Variants in SVIL observed in about 807,000 individuals in gnomAD.
The protein encoded by SVIL is archvillin.
A neutral mutation model predicts 240.4 loss-of-function variants in SVIL; 101 were observed. The observed-to-expected ratio is 0.42, with a 90% CI of 0.36 to 0.50. The LOEUF (loss-of-function observed/expected upper bound fraction) is 0.50. Ranked by LOEUF, SVIL falls within the 20% of genes least tolerant of loss-of-function variation. The pLI is 0.01. For missense variants in SVIL, 2,512 were observed against 2,818.7 expected (o/e 0.89, Z 2.46); for synonymous variants, 999 against 1,100.0 (o/e 0.91, Z 1.82).
In SVIL at chr10:29,701,949, G is replaced by A. The variant is rs184138399; in HGVS notation, c.-399-15298C>T. Among the ~76,000 whole-genome samples, 16 of 152,242 alleles carry A rather than the reference G, an allele frequency of 1.1e-4. No homozygotes were observed. The East Asian group carries it at 3.1e-3, about 29-fold the overall frequency. Reference sequence around the variant, plus strand: ...AGCACTTTGGGAGGCCGAGGCAGATGGATCACCTGAGGTCAGGAGTTCGAG... The same window carrying A: ...AGCACTTTGGGAGGCCGAGGCAGATAGATCACCTGAGGTCAGGAGTTCGAG... On this transcript the variant is annotated intron_variant, in intron 1 of 35. Coordinates refer to the SVIL transcript ENST00000375400.
At chr10:29,470,552 A>G (rs1945451699) in intron 31 of SVIL, 69 bp from the exon 32 acceptor site, 1 of 1,574,162 alleles carries the variant, frequency 6.4e-7, no homozygotes, top group Non-Finnish European at 8.6e-7. Flanking sequence ...GGCCCTTCCT[A>G]GTGTCCGCTG....
At position 29,699,501 on chromosome 10, in the gene SVIL, G is replaced by A. The variant is rs867173569; in HGVS notation, c.-399-12850C>T. 2.6e-5 allele frequency among the ~76,000 whole-genome samples: 4 copies of A among 152,042 alleles called. No individual in the cohort carries two copies. The South Asian group carries it at 6.2e-4, about 24-fold the overall frequency. The stretch of plus-strand genomic sequence containing the variant: ...TATTTTTTAGTAGAGATGGGGTTTC[G>A]CCATGTTGGCCAGGCTGGTCTTCAA... On this transcript the variant is annotated intron_variant, in intron 1 of 35. Coordinates refer to the SVIL transcript ENST00000375400.
At chr10:29,591,519 GA>G (rs1346585677) in intron 1 of SVIL, among the ~76,000 whole-genome samples, 4 of 152,216 alleles carry the variant, frequency 2.6e-5, no homozygotes, top group Non-Finnish European at 5.9e-5. Context: ...TATAAAACCT[GA>G]TGCAATCCTG....
chr10:29,598,300 A>G (rs1956674833), intron 1 of SVIL, among the ~76,000 whole-genome samples: 1 of 152,216 alleles, frequency 6.6e-6, no homozygotes, highest in African/African-American at 2.4e-5. Context: ...GGATGGTTGC[A>G]CGACAATGTG....
intron 1 of SVIL, among the ~76,000 whole-genome samples, chr10:29,689,456 T>C (rs892286699): frequency 6.6e-6 from 1 of 152,218 alleles, no homozygotes; most frequent in Non-Finnish European, 1.5e-5. Flanking sequence ...GGCTAACTTT[T>C]TGTATTTTTA....
intron 20 of SVIL, among the ~76,000 whole-genome samples, chr10:29,494,474 C>T (rs922933013): frequency 5.9e-5 from 9 of 152,120 alleles, no homozygotes; most frequent in Non-Finnish European, 1.2e-4. Flanking sequence ...GCATATTGCT[C>T]TTTTATTTGG....
intron 12 of SVIL, 38 bp downstream of exon 12, chr10:29,529,667 C>G: frequency 6.5e-7 from 1 of 1,545,924 alleles, no homozygotes; most frequent in Admixed American, 2.2e-5. Flanking sequence ...TAAAAAAAGA[C>G]ACTATAGACA....
chr10:29,677,314 G>T (rs1218345124), intron 2 of SVIL, among the ~76,000 whole-genome samples: 1 of 152,088 alleles, frequency 6.6e-6, no homozygotes, highest in Non-Finnish European at 1.5e-5. Flanking sequence ...CTGCCCCTTT[G>T]TCTTGTCATG....
rs916512338 is a variant in SVIL at position 29,554,828 on chromosome 10, T to C, written c.115A>G (p.Thr39Ala). Residue 39 changes from threonine to alanine, a missense_variant, in exon 5 of 38, where the codon ACC becomes GCC. Around this residue, in one of 3 missense-constraint regions of SVIL, gnomAD observed 1,443 missense variants for 1,486.6 expected, o/e 0.97. Coordinates refer to ENST00000355867, the MANE Select transcript of SVIL (RefSeq NM_021738.3). ...TCGCTGGCTCTCATGTATCGAGGGG[T>C]GTCTTCCTCCAGCAGGCGGTGAGTC... ...LVTHRLLEED[T>A]PRYMRASDPA... is the part of the protein sequence containing the mutation. 1 of 1,612,752 alleles carries C rather than the reference T, an allele frequency of 6.2e-7. No homozygotes were observed. The highest frequency in any genetic ancestry group is 1.7e-5 in the Admixed American group (1 of 59,840).
intron 2 of SVIL, among the ~76,000 whole-genome samples, chr10:29,665,750 C>T (rs1036073638): frequency 3.3e-5 from 5 of 152,052 alleles, no homozygotes; most frequent in South Asian, 2.1e-4. Flanking sequence ...GCCAAGATTG[C>T]GCCACTGCAC....
chr10:29,503,350 G>A (rs1249696306), intron 17 of SVIL, among the ~76,000 whole-genome samples: 1 of 152,218 alleles, frequency 6.6e-6, no homozygotes, highest in South Asian at 2.1e-4. Flanking sequence ...TAAGATGAAA[G>A]GAAGGGAATA....
At chr10:29,473,766 G>A (rs907472707) in intron 30 of SVIL, 72 bp downstream of exon 30, 7 of 1,597,280 alleles carry the variant, frequency 4.4e-6, no homozygotes, top group Middle Eastern at 1.9e-4. Context: ...GAGGGACCAG[G>A]CCGAGTGCCA....
chr10:29,496,605 C>T, intron 18 of SVIL: 1 of 282,024 alleles, frequency 3.5e-6, no homozygotes, highest in Middle Eastern at 1.3e-3. Flanking sequence ...AAACGTGCTC[C>T]CCACCTAGCT....
At chr10:29,478,313 T>C (rs1946430051) in intron 29 of SVIL, among the ~76,000 whole-genome samples, 1 of 152,250 alleles carries the variant, frequency 6.6e-6, no homozygotes, top group Non-Finnish European at 1.5e-5. Context: ...CATTATCTTG[T>C]CTTCAAGTTA....
Position 29,550,764 on chromosome 10 carries a change from C to G in SVIL, c.660G>C (p.Leu220=). ...ELSATRQAHD[L]SPAAESSSTF... is the part of the protein sequence containing the mutation. ...TCGAGGAACTCTCGGCTGCTGGGGACAGGTCATGGGCCTGCCGGGTGGCAC... is the reference window on the plus strand; with the variant it reads ...TCGAGGAACTCTCGGCTGCTGGGGAGAGGTCATGGGCCTGCCGGGTGGCAC... The change falls in exon 6 of 38, where the codon CTG becomes CTC. Residue 220 remains leucine (L), a synonymous_variant. Coordinates refer to ENST00000355867, the MANE Select transcript of SVIL (RefSeq NM_021738.3). 1 of 1,614,152 alleles carries G rather than the reference C, an allele frequency of 6.2e-7. No homozygotes were observed. Among genetic ancestry groups the G allele is most frequent in the Non-Finnish European group, 8.5e-7 (1 of 1,180,030 alleles).
intron 1 of SVIL, among the ~76,000 whole-genome samples, chr10:29,702,223 A>T (rs1183588176): frequency 6.6e-6 from 1 of 151,800 alleles, no homozygotes; most frequent in Non-Finnish European, 1.5e-5. Context: ...AGTGTGTCAC[A>T]ATGAACTGTC....
intron 34 of SVIL, among the ~76,000 whole-genome samples, chr10:29,464,677 C>T (rs1944677486): frequency 6.6e-6 from 1 of 152,104 alleles, no homozygotes; most frequent in South Asian, 2.1e-4. Flanking sequence ...GGATGAAGGG[C>T]GTGGGCACAC....
intron 6 of SVIL, among the ~76,000 whole-genome samples, chr10:29,545,883 A>G (rs1952638414): frequency 6.6e-6 from 1 of 150,958 alleles, no homozygotes; most frequent in African/African-American, 2.4e-5. Flanking sequence ...AAAAAAAGAA[A>G]AAGAAAAAAG....
chr10:29,631,635 C>T (rs1014938172), intron 1 of SVIL, among the ~76,000 whole-genome samples: 29 of 152,136 alleles, frequency 1.9e-4, no homozygotes, highest in African/African-American at 6.3e-4. Flanking sequence ...ATTAGCCGGG[C>T]GTGGTGGCGG....
Sources: gnomAD v4.1 joint callset for allele counts (sites outside exome capture counted in the v4.1 genomes callset) on GRCh38, gnomAD v4.1.1 for gene constraint, gnomAD v4.1.1 regional missense constraint, MANE v1.5 for transcripts, NCBI Gene and HGNC (gene_info 2026-07-23, HGNC 2026-07-21) for gene names.